MALRD1: variants seen among roughly 807,000 people sequenced by gnomAD.
The protein encoded by MALRD1 is MAM and LDL-receptor class A domain-containing protein 1.
MALRD1 carries 247 observed loss-of-function variants against 242.1 expected under a neutral mutation model. That is an observed-to-expected ratio of 1.02 (90% CI 0.92 to 1.13). MALRD1 has a LOEUF of 1.13. Ranked by LOEUF, MALRD1 falls within the 50% of genes most tolerant of loss-of-function variation. The pLI, the probability that MALRD1 is intolerant of heterozygous loss-of-function variation, is 0.00. For synonymous variants in MALRD1, 995 were observed against 866.6 expected (o/e 1.15, Z -2.60); for missense variants, 2,989 against 2,533.1 (o/e 1.18, Z -3.86).
At chr10:19,639,487 A>G (rs961147432) in intron 36 of MALRD1, among the ~76,000 whole-genome samples, 4 of 152,164 alleles carry the variant, frequency 2.6e-5, no homozygotes, top group African/African-American at 9.7e-5. Context: ...AGACATCAGC[A>G]ACAAAAATAA....
At chr10:19,080,976 A>T (rs928698986) in intron 2 of MALRD1, among the ~76,000 whole-genome samples, 3 of 152,162 alleles carry the variant, frequency 2.0e-5, no homozygotes, top group Non-Finnish European at 4.4e-5. Context: ...ACACTTCTCA[A>T]AGAAAACATT....
intron 22 of MALRD1, among the ~76,000 whole-genome samples, chr10:19,324,646 G>GA (rs944071341): frequency 1.2e-3 from 176 of 142,300 alleles, no homozygotes; most frequent in Non-Finnish European, 1.5e-3. Flanking sequence ...GTCCCCTATA[G>GA]AAAAAAAAAA....
intron 11 of MALRD1, among the ~76,000 whole-genome samples, chr10:19,153,520 C>G (rs1834016367): frequency 6.6e-6 from 1 of 151,914 alleles, no homozygotes; most frequent in Admixed American, 6.6e-5. Context: ...GTTTGAGACT[C>G]TGCTCCTACA....
At chr10:19,424,106 C>A (rs952693712) in intron 28 of MALRD1, among the ~76,000 whole-genome samples, 7 of 152,052 alleles carry the variant, frequency 4.6e-5, no homozygotes, top group African/African-American at 1.4e-4. Flanking sequence ...GGAAATCTAG[C>A]TCATGTGTGT....
At chr10:19,198,950 A>C (rs1216201260) in intron 14 of MALRD1, among the ~76,000 whole-genome samples, 1 of 152,228 alleles carries the variant, frequency 6.6e-6, no homozygotes, top group South Asian at 2.1e-4. Flanking sequence ...CTTCAAACAC[A>C]TAACCATTAG....
intron 28 of MALRD1, among the ~76,000 whole-genome samples, chr10:19,429,699 C>T (rs1834044520): frequency 6.6e-6 from 1 of 152,176 alleles, no homozygotes; most frequent in Non-Finnish European, 1.5e-5. Flanking sequence ...ATTTTACCCC[C>T]ATACGTTCAA....
intron 33 of MALRD1, among the ~76,000 whole-genome samples, chr10:19,572,127 C>T (rs888456825): frequency 5.9e-5 from 9 of 152,120 alleles, no homozygotes; most frequent in East Asian, 1.9e-4. Flanking sequence ...CTTTACCTTC[C>T]GCATTATTAC....
intron 5 of MALRD1, among the ~76,000 whole-genome samples, chr10:19,120,525 C>G (rs1176228167): frequency 6.6e-6 from 1 of 152,040 alleles, no homozygotes; most frequent in African/African-American, 2.4e-5. Context: ...TGAAAGGAAC[C>G]AAGCACAAAG....
chr10:19,155,666 T>C (rs1170065271), intron 12 of MALRD1, among the ~76,000 whole-genome samples: 1 of 152,194 alleles, frequency 6.6e-6, no homozygotes, highest in Non-Finnish European at 1.5e-5. Flanking sequence ...TTGGTTCAAG[T>C]CTCTTTTGCC....
intron 18 of MALRD1, among the ~76,000 whole-genome samples, chr10:19,220,446 A>G (rs1229449294): frequency 6.6e-6 from 1 of 152,206 alleles, no homozygotes; most frequent in Non-Finnish European, 1.5e-5. Context: ...TTCCAAAAGT[A>G]TAATTTCTTA....
intron 10 of MALRD1, among the ~76,000 whole-genome samples, chr10:19,140,647 G>C (rs71497260): frequency 1.9e-3 from 292 of 151,996 alleles, no homozygotes; most frequent in Non-Finnish European, 3.0e-3. Context: ...TTGTGACAAT[G>C]ATGAGCGTGG....
intron 21 of MALRD1, among the ~76,000 whole-genome samples, chr10:19,287,657 T>C: frequency 6.6e-6 from 1 of 152,136 alleles, no homozygotes; most frequent in South Asian, 2.1e-4. Flanking sequence ...TATTTGGTAA[T>C]GGTGCTGGGA....
At chr10:19,342,916 A>G (rs912063044) in intron 24 of MALRD1, among the ~76,000 whole-genome samples, 2 of 152,144 alleles carry the variant, frequency 1.3e-5, no homozygotes, top group African/African-American at 4.8e-5. Flanking sequence ...ACAGAGAAGG[A>G]AAAATTATAT....
intron 14 of MALRD1, among the ~76,000 whole-genome samples, chr10:19,193,269 T>C (rs910712771): frequency 6.6e-6 from 1 of 152,120 alleles, no homozygotes; most frequent in Non-Finnish European, 1.5e-5. Flanking sequence ...AAGATGGAAC[T>C]ATCAAGCCAG....
chr10:19,066,555 A>G (rs1392535484), intron 1 of MALRD1, among the ~76,000 whole-genome samples, 164 bp from the exon 2 acceptor site: 2 of 152,202 alleles, frequency 1.3e-5, no homozygotes, highest in African/African-American at 4.8e-5. Flanking sequence ...AGAATATTGG[A>G]TGTATAAAAA....
At chr10:19,724,046 A>T (rs532357561) in intron 38 of MALRD1, among the ~76,000 whole-genome samples, 1 of 152,348 alleles carries the variant, frequency 6.6e-6, no homozygotes, top group East Asian at 1.9e-4. Context: ...CAACAGAGTG[A>T]GACTCTGTCT....
chr10:19,703,304 G>A (rs1484640794), intron 38 of MALRD1, among the ~76,000 whole-genome samples: 1 of 152,110 alleles, frequency 6.6e-6, no homozygotes, highest in Non-Finnish European at 1.5e-5. Context: ...TCTGCTTCCT[G>A]TCCCTGTAAC....
chr10:19,164,804 ATG>A (rs1564434722), intron 12 of MALRD1, among the ~76,000 whole-genome samples: 1 of 152,078 alleles, frequency 6.6e-6, no homozygotes, highest in Non-Finnish European at 1.5e-5. Flanking sequence ...TCTCTTCACT[ATG>A]TAGTTAAGCC....
intron 32 of MALRD1, among the ~76,000 whole-genome samples, chr10:19,546,618 A>G (rs980793403): frequency 3.9e-5 from 6 of 152,182 alleles, no homozygotes; most frequent in African/African-American, 1.2e-4. Flanking sequence ...GTTATTCCAG[A>G]ATTTGGCTAG....
Sources: gnomAD v4.1 joint callset for allele counts (sites outside exome capture counted in the v4.1 genomes callset) on GRCh38, gnomAD v4.1.1 for gene constraint, MANE v1.5 for transcripts, NCBI Gene and HGNC (gene_info 2026-07-23, HGNC 2026-07-21) for gene names.